The following USHBP1 variants were observed in gnomAD, a reference collection of about 807,000 sequenced individuals.
The protein encoded by USHBP1 is USH1 protein network component harmonin binding protein 1, also known as harmonin-binding protein USHBP1.
Under a neutral mutation model 76.2 loss-of-function variants are expected in USHBP1, and 67 were observed. The ratio of observed to expected loss-of-function variants is 0.88; its 90% CI spans 0.72 to 1.08. The LOEUF (loss-of-function observed/expected upper bound fraction) is 1.08, where lower values mean the gene tolerates loss of function less well. USHBP1 is among the 50% of genes least tolerant of loss of function. The pLI is 0.00. For missense variants in USHBP1, 931 were observed against 915.0 expected, an observed-to-expected ratio of 1.02 and a Z score of -0.23; for synonymous variants, 322 against 362.2, an observed-to-expected ratio of 0.89 and a Z score of 1.26.
chr19:17,256,639 C>T lies in USHBP1; in HGVS notation c.1302G>A (p.Glu434=). 6.2e-7 allele frequency: 1 copy of T among 1,614,190 alleles called. No homozygotes were observed. The highest frequency in any genetic ancestry group is 8.5e-7 in the Non-Finnish European group (1 of 1,180,040). The part of the protein sequence containing the change: ...QLRSYVQRLQ[E]RRSLMKILSE... ...AGAGAATCTTCATTAGAGAACGGCG[C>T]TCCTGGAGACGCTGGACATAGCTTC... is the stretch of plus-strand genomic sequence containing the variant. Residue 434 remains glutamate, a synonymous_variant, in exon 9 of 13, where the codon GAG becomes GAA. Transcript: ENST00000252597.
rs1422705898 is a variant in USHBP1 at position 17,262,730 on chromosome 19, C to T, written c.464G>A (p.Gly155Glu). Residue 155 changes from glycine (G) to glutamate (E), a missense_variant, in exon 4 of 13, where the codon GGG becomes GAG. Physicochemically the swap from Gly to Glu is moderately conservative, Grantham distance 98. Transcript: ENST00000252597. ...CTGCTTCCCAAGGGAACCTGCTCCC[C>T]CTTCGCTTGTGCCTTCGAACTCCAT... The part of the protein sequence containing the change: ...GPMEFEGTSE[G>E]GAGSLGKQEG... 6.2e-7 allele frequency: 1 copy of T among 1,614,258 alleles called. No individual in the cohort carries two copies. The highest frequency in any genetic ancestry group is 8.5e-7 in the Non-Finnish European group (1 of 1,180,048).
intron 9 of USHBP1, among the ~76,000 whole-genome samples, chr19:17,256,005 AAAACAAAC>A (rs10570621): frequency 5.3e-5 from 8 of 150,678 alleles, no homozygotes; most frequent in East Asian, 2.0e-4. Context: ...TCCGTCTCAA[AAAACAAAC>A]AAACAAACAA....
chr19:17,250,561 GTTGT>G (rs2073538154), intron 12 of USHBP1, 147 bp from the exon 13 acceptor site: 2 of 962,116 alleles, frequency 2.1e-6, no homozygotes, highest in Non-Finnish European at 3.0e-6. Context: ...TGTTGTTGTT[GTTGT>G]TTGAGACAGA....
chr19:17,250,017 C>T lies in USHBP1; in HGVS notation c.*208G>A. Reference sequence around the variant, plus strand: ...ACCCCACTGATATGAAGTTCACATTCCACTTGGTGCCAGGCCAAAGACACC... The same window carrying T: ...ACCCCACTGATATGAAGTTCACATTTCACTTGGTGCCAGGCCAAAGACACC... On this transcript the variant is annotated 3_prime_UTR_variant, in exon 13 of 13. Transcript: ENST00000252597. The T allele has an allele frequency of 1.7e-6, 1 of 595,458 alleles. No individual in the cohort carries two copies. The highest frequency in any genetic ancestry group is 2.9e-6 in the Non-Finnish European group (1 of 345,602). The allele number at this position is 595,458 out of a possible 1,614,324, so 36.9% of individuals were successfully genotyped here. A position where few individuals can be genotyped will look rare whatever the true frequency, so the allele number is the denominator to read the frequency against.
intron 7 of USHBP1, 137 bp downstream of exon 7, chr19:17,259,152 G>C (rs558427188): frequency 7.9e-7 from 1 of 1,272,910 alleles, no homozygotes; most frequent in Admixed American, 3.0e-5. Context: ...GCAACACAGC[G>C]AGATTCTGTC....
chr19:17,254,369 A>T (rs1162891357), intron 10 of USHBP1, among the ~76,000 whole-genome samples: 2 of 150,102 alleles, frequency 1.3e-5, no homozygotes, highest in African/African-American at 4.9e-5. Flanking sequence ...AAATAATAAT[A>T]AATAAGCCGG....
Position 17,251,894 on chromosome 19 carries a change from A to G in USHBP1, c.1799+17T>C, listed in dbSNP as rs773608990. ...TGCCTGCCCACCCCCCGCACAGCCC[A>G]GGACCCAGGCACACACCTGGTGAGC... On this transcript the variant is annotated intron_variant, in intron 11 of 12. Transcript: ENST00000252597. 2.2e-5 allele frequency: 33 copies of G among 1,534,074 alleles called. 1 individual carries two copies.
intron 8 of USHBP1, among the ~76,000 whole-genome samples, chr19:17,257,588 GC>G (rs1375287388): frequency 6.8e-6 from 1 of 146,246 alleles, no homozygotes; most frequent in East Asian, 2.1e-4. Context: ...GTTGCAGTGA[GC>G]CGAGATCGGA....
At chr19:17,259,475 G>A (rs758929835) in intron 6 of USHBP1, 46 bp from the exon 7 acceptor site, 44 of 1,611,610 alleles carry the variant, frequency 2.7e-5, no homozygotes, top group Non-Finnish European at 3.6e-5. Context: ...GCCTTCTAAG[G>A]CAGTCAGGCC....
chr19:17,257,597 G>A (rs1465619636), intron 8 of USHBP1, among the ~76,000 whole-genome samples: 1 of 147,006 alleles, frequency 6.8e-6, no homozygotes, highest in Non-Finnish European at 1.5e-5. Context: ...AGCCGAGATC[G>A]GACCATTGGA....
In USHBP1 at chr19:17,264,158, T is replaced by C. The variant is rs767049563; in HGVS notation, c.55-8A>G. On this transcript the variant is annotated splice_region_variant and splice_polypyrimidine_tract_variant and intron_variant, in intron 2 of 12. Coordinates refer to ENST00000252597, the MANE Select transcript of USHBP1 (RefSeq NM_031941.4). ...CACGGGATCCAGTTCACCCTGCAAATGACCCCCGGGGCCCTGCTCTGAGCC... is the reference window on the plus strand; with the variant it reads ...CACGGGATCCAGTTCACCCTGCAAACGACCCCCGGGGCCCTGCTCTGAGCC... 2.5e-6 allele frequency: 4 copies of C among 1,612,838 alleles called. No individual in the cohort carries two copies. In the Admixed American group the frequency reaches 6.7e-5, roughly 27 times the overall value.
At chr19:17,258,428 G>A (rs1428413706) in intron 7 of USHBP1, 43 bp from the exon 8 acceptor site, 1 of 1,587,302 alleles carries the variant, frequency 6.3e-7, no homozygotes, top group Non-Finnish European at 8.6e-7. Flanking sequence ...ACTCAGCTCG[G>A]CTGGGTGCAA....
At chr19:17,251,851 G>A (rs756681092) in intron 11 of USHBP1, 60 bp downstream of exon 11, 56 of 1,512,624 alleles carry the variant, frequency 3.7e-5, no homozygotes, top group South Asian at 1.6e-4. Context: ...CGACACCCCC[G>A]GGGGCTCTCA....
intron 10 of USHBP1, among the ~76,000 whole-genome samples, chr19:17,254,643 C>T (rs1416068265): frequency 2.7e-5 from 4 of 146,908 alleles, no homozygotes; most frequent in Non-Finnish European, 6.0e-5. Context: ...GCAACAAGAG[C>T]AAAACTCTGT....
intron 4 of USHBP1, among the ~76,000 whole-genome samples, chr19:17,260,622 A>C (rs1475821429): frequency 6.6e-6 from 1 of 152,006 alleles, no homozygotes; most frequent in African/African-American, 2.4e-5. Flanking sequence ...GAGACAATGC[A>C]CCCAGCAGCC....
chr19:17,250,163 C>T lies in USHBP1; in HGVS notation c.*62G>A. On this transcript the variant is annotated 3_prime_UTR_variant, in exon 13 of 13. Coordinates refer to ENST00000252597, the MANE Select transcript of USHBP1 (RefSeq NM_031941.4). ...TCATGCAACATGACATGATGTCACT[C>T]CAGGACAGTTTATGACATGCCACAG... 6.5e-7 allele frequency: 1 copy of T among 1,530,460 alleles called. No individual in the cohort carries two copies. The highest frequency in any genetic ancestry group is 2.4e-5 in the East Asian group (1 of 40,866). The allele number at this position is 1,530,460 out of a possible 1,614,324, so 94.8% of individuals were successfully genotyped here.
Position 17,251,814 on chromosome 19 carries a change from G to A in USHBP1, c.1799+97C>T, listed in dbSNP as rs542832206. On this transcript the variant is annotated intron_variant, in intron 11 of 12. Transcript: ENST00000252597. ...TGTCATGTAAACACACCTGTACACC[G>A]GGGTACACCTTAGCTTCTACTGCAG... 301 of 1,563,804 alleles carry A rather than the reference G, an allele frequency of 1.9e-4. 2 individuals carry two copies. The African/African-American group carries it at 3.5e-3, about 18-fold the overall frequency.
In USHBP1 at chr19:17,258,768, C is replaced by G. The variant is rs1329252883; in HGVS notation, c.1047-383G>C. On this transcript the variant is annotated intron_variant, in intron 7 of 12. Coordinates refer to ENST00000252597, the MANE Select transcript of USHBP1 (RefSeq NM_031941.4). ...AAAATCCACTTAGCTACATCTTGCT[C>G]TATAGGTGCCAGTCCCCACTTGCTC... 1.7e-4 allele frequency: 50 copies of G among 297,610 alleles called. No individual in the cohort carries two copies. The Admixed American group carries it at 2.2e-3, about 13-fold the overall frequency. The allele number at this position is 297,610 out of a possible 1,614,324, so 18.4% of individuals were successfully genotyped here. A position where few individuals can be genotyped will look rare whatever the true frequency, so the allele number is the denominator to read the frequency against.
intron 1 of USHBP1, 31 bp from the exon 2 acceptor site, chr19:17,264,378 C>A: frequency 6.8e-7 from 1 of 1,476,138 alleles, no homozygotes; most frequent in South Asian, 1.3e-5. Context: ...GAGCTCTTGC[C>A]TTTGTTGTCC....
Sources: allele counts gnomAD v4.1 joint callset (sites outside exome capture counted in the v4.1 genomes callset), GRCh38; gene constraint gnomAD v4.1.1; transcripts MANE v1.5; gene names NCBI Gene and HGNC (gene_info 2026-07-23, HGNC 2026-07-21).